Variants in PLEKHG4B observed in about 807,000 individuals in gnomAD.
PLEKHG4B encodes the protein pleckstrin homology and RhoGEF domain containing G4B, also known as pleckstrin homology domain-containing family G member 4B.
PLEKHG4B carries 111 observed loss-of-function variants against 121.3 expected under a neutral mutation model. The ratio of observed to expected loss-of-function variants is 0.92; its 90% confidence interval spans 0.78 to 1.07. The LOEUF is 1.07. PLEKHG4B is among the 50% of genes least tolerant of loss of function. The pLI is 0.00. For synonymous variants in PLEKHG4B, 738 were observed against 725.0 expected (o/e 1.02, Z -0.29); for missense variants, 1,831 against 1,757.8 (o/e 1.04, Z -0.74).
rs1490449483 is a variant in PLEKHG4B at position 144,819 on chromosome 5, C to G, written c.1812-8C>G. The stretch of plus-strand genomic sequence containing the variant: ...AGTGGTTAAGATGGGCTGTCTTTCC[C>G]TCCCCAGGAAAGAGGTCCGGGACCT... On this transcript the variant is annotated splice_polypyrimidine_tract_variant and splice_region_variant and intron_variant, in intron 5 of 19. Transcript: ENST00000637938. 2 of 1,609,428 alleles carry G rather than the reference C, an allele frequency of 1.2e-6. No individual in the cohort carries two copies. Among genetic ancestry groups the G allele is most frequent in the Admixed American group, 3.3e-5 (2 of 59,936 alleles).
Position 172,954 on chromosome 5 carries a change from G to T in PLEKHG4B, c.4108G>T (p.Gly1370Trp), listed in dbSNP as rs780136138. Reference protein sequence around the residue: ...RCRDEFIVCCGRKKYLRHVFL... With the variant: ...RCRDEFIVCCWRKKYLRHVFL... Reference sequence around the variant, plus strand: ...CCGGGATGAGTTTATCGTTTGCTGCGGGAGGAAGAAGTATCTGAGGCATGT... The same window carrying T: ...CCGGGATGAGTTTATCGTTTGCTGCTGGAGGAAGAAGTATCTGAGGCATGT... The change falls in exon 17 of 20, where the codon GGG becomes TGG. Residue 1370 changes from glycine (G) to tryptophan (W), a missense_variant. Coordinates refer to ENST00000637938, the MANE Select transcript of PLEKHG4B (RefSeq NM_052909.5). 4 of 1,614,166 alleles carry T rather than the reference G, an allele frequency of 2.5e-6. No individual in the cohort carries two copies. Among genetic ancestry groups the T allele is most frequent in the Non-Finnish European group, 3.4e-6 (4 of 1,180,036 alleles).
At chr5:169,190 T>C in intron 13 of PLEKHG4B, 150 bp from the exon 14 acceptor site, 1 of 1,095,600 alleles carries the variant, frequency 9.1e-7, no homozygotes. Flanking sequence ...TTTTTTATCG[T>C]GCATCCCACA....
intron 2 of PLEKHG4B, among the ~76,000 whole-genome samples, chr5:120,225 C>T (rs1305454588): frequency 6.6e-6 from 1 of 152,164 alleles, no homozygotes; most frequent in Non-Finnish European, 1.5e-5. Flanking sequence ...TGCACTTGGC[C>T]TGGGCAACAC....
At position 167,463 on chromosome 5, in the gene PLEKHG4B, C is replaced by T. The variant is rs571670166; in HGVS notation, c.3477-1877C>T. On this transcript the variant is annotated intron_variant, in intron 13 of 19. Coordinates refer to ENST00000637938, the MANE Select transcript of PLEKHG4B (RefSeq NM_052909.5). ...GGTAGAAAAAAAATCTGCCAACTCCCATTGGTATCATCAGGATCGAGTTAT... is the reference window on the plus strand; with the variant it reads ...GGTAGAAAAAAAATCTGCCAACTCCTATTGGTATCATCAGGATCGAGTTAT... Among the ~76,000 whole-genome samples, 3 of 147,736 alleles carry T rather than the reference C, an allele frequency of 2.0e-5. No homozygotes were observed. In the East Asian group the frequency reaches 5.8e-4, roughly 28 times the overall value.
chr5:143,804 T>G (rs912502582), intron 5 of PLEKHG4B, among the ~76,000 whole-genome samples: 7 of 152,260 alleles, frequency 4.6e-5, no homozygotes, highest in Admixed American at 6.5e-5. Flanking sequence ...GTGCAGCTTC[T>G]GCCGGCTTTG....
Position 139,117 on chromosome 5 carries a change from A to C in PLEKHG4B, c.244-366A>C, listed in dbSNP as rs1735069612. Among the ~76,000 whole-genome samples the C allele has an allele frequency of 6.6e-6, 1 of 152,106 alleles. No homozygotes were observed. The highest frequency in any genetic ancestry group is 1.5e-5 in the Non-Finnish European group (1 of 68,002). On this transcript the variant is annotated intron_variant, in intron 2 of 19. Transcript: ENST00000637938. The surrounding 1 kb of genome is among the most constrained non-coding windows in gnomAD (Gnocchi z 5.0). The stretch of plus-strand genomic sequence containing the variant: ...CCAGGGCTGGCAGGGGCAAGTGTGG[A>C]CGCCCGGCCCCTTGCCCAGGCTGGG...
At chr5:130,615 C>T (rs1208157717) in intron 2 of PLEKHG4B, among the ~76,000 whole-genome samples, 2 of 152,172 alleles carry the variant, frequency 1.3e-5, no homozygotes, top group African/African-American at 4.8e-5. Flanking sequence ...CATTATAAAG[C>T]GGGACTCTGC....
At chr5:171,176 G>C (rs113495231) in intron 15 of PLEKHG4B, 38 bp from the exon 16 acceptor site, 11 of 1,606,078 alleles carry the variant, frequency 6.8e-6, no homozygotes, top group Non-Finnish European at 8.5e-6. Context: ...CCGGCCCTCA[G>C]CCAGGCCGGA....
Position 182,436 on chromosome 5 carries a change from C to G in PLEKHG4B, c.*113C>G. 9.5e-7 allele frequency: 1 copy of G among 1,051,910 alleles called. No homozygotes were observed. The highest frequency in any genetic ancestry group is 1.4e-6 in the Non-Finnish European group (1 of 735,282). The allele number at this position is 1,051,910 out of a possible 1,614,324, so 65.2% of individuals were successfully genotyped here. A position where few individuals can be genotyped will look rare whatever the true frequency, so the allele number is the denominator to read the frequency against. Reference sequence around the variant, plus strand: ...TGCCCATCGCGTGGCTGGAACGATCCAGAGGGAATAGCACAGCAGGTGTCC... The same window carrying G: ...TGCCCATCGCGTGGCTGGAACGATCGAGAGGGAATAGCACAGCAGGTGTCC... On this transcript the variant is annotated 3_prime_UTR_variant, in exon 20 of 20. Transcript: ENST00000637938.
At chr5:173,613 C>T (rs1029315192) in intron 17 of PLEKHG4B, among the ~76,000 whole-genome samples, 13 of 149,142 alleles carry the variant, frequency 8.7e-5, no homozygotes, top group Non-Finnish European at 1.8e-4. Flanking sequence ...CAGCCTCACA[C>T]ACCCATGAGC....
chr5:174,980 C>T (rs954857022), intron 18 of PLEKHG4B, among the ~76,000 whole-genome samples: 3 of 152,136 alleles, frequency 2.0e-5, no homozygotes, highest in Non-Finnish European at 2.9e-5. Context: ...GAGGCCCACC[C>T]GGTCTGGGGC....
intron 2 of PLEKHG4B, among the ~76,000 whole-genome samples, chr5:130,458 T>G (rs1392251357): frequency 6.6e-6 from 1 of 152,186 alleles, no homozygotes; most frequent in Non-Finnish European, 1.5e-5. Flanking sequence ...CGCCCCCCCA[T>G]GCCCTGGGAG....
chr5:169,966 C>T (rs1044735925), intron 14 of PLEKHG4B, among the ~76,000 whole-genome samples: 5 of 152,150 alleles, frequency 3.3e-5, no homozygotes, highest in South Asian at 2.1e-4. Flanking sequence ...CCTCTTCACA[C>T]GCCCCCTGCC....
intron 13 of PLEKHG4B, 146 bp downstream of exon 13, chr5:163,694 AAC>A (rs1260456982): frequency 9.4e-6 from 7 of 747,812 alleles, no homozygotes; most frequent in Admixed American, 3.1e-5. Flanking sequence ...TCTAAGAAGA[AAC>A]ACAATTTTAA....
intron 2 of PLEKHG4B, among the ~76,000 whole-genome samples, chr5:127,342 TA>T: frequency 7.3e-6 from 1 of 136,630 alleles, no homozygotes; most frequent in African/African-American, 2.6e-5. Flanking sequence ...TGTTGGTTTT[TA>T]TTATTATTAT....
chr5:143,362 C>T lies in PLEKHG4B; in HGVS notation c.1688-18C>T. On this transcript the variant is annotated intron_variant, in intron 4 of 19. Transcript: ENST00000637938. Reference sequence around the variant, plus strand: ...AGGAGTGAAGCCCTTGGCAGCTGCCCTGTCTCTGTCTCCGCAGGGACCCGA... The same window carrying T: ...AGGAGTGAAGCCCTTGGCAGCTGCCTTGTCTCTGTCTCCGCAGGGACCCGA... 6.2e-7 allele frequency: 1 copy of T among 1,610,308 alleles called. No individual in the cohort carries two copies. Among genetic ancestry groups the T allele is most frequent in the Non-Finnish European group, 8.5e-7 (1 of 1,178,414 alleles).
At chr5:143,325 T>C in intron 4 of PLEKHG4B, 55 bp from the exon 5 acceptor site, 3 of 1,607,474 alleles carry the variant, frequency 1.9e-6, no homozygotes, top group Non-Finnish European at 1.7e-6. Context: ...CAGACCCAGC[T>C]CACCACCTTG....
rs1365181744 is a variant in PLEKHG4B at position 186,494 on chromosome 5, T to C, written c.*4171T>C. Reference sequence around the variant, plus strand: ...CCTCAGGGTCACTCACCCCGCCACGTGAGGCCACTTCCGCCCAGCACTGGG... The same window carrying C: ...CCTCAGGGTCACTCACCCCGCCACGCGAGGCCACTTCCGCCCAGCACTGGG... On this transcript the variant is annotated 3_prime_UTR_variant, in exon 20 of 20. Transcript: ENST00000637938. 1 of 152,288 alleles carries C rather than the reference T, an allele frequency of 6.6e-6. No individual in the cohort carries two copies. Among genetic ancestry groups the C allele is most frequent in the Non-Finnish European group, 1.5e-5 (1 of 68,100 alleles). The allele number at this position is 152,288 out of a possible 1,614,324, so 9.4% of individuals were successfully genotyped here.
At chr5:179,075 A>G (rs1236635550) in intron 18 of PLEKHG4B, among the ~76,000 whole-genome samples, 2 of 152,218 alleles carry the variant, frequency 1.3e-5, no homozygotes, top group Admixed American at 1.3e-4. Context: ...TGTGCTTCCT[A>G]TTAATATAGC....
Sources: allele counts gnomAD v4.1 joint callset (sites outside exome capture counted in the v4.1 genomes callset), GRCh38; gene constraint gnomAD v4.1.1; non-coding constraint Gnocchi (gnomAD v3.1); transcripts MANE v1.5; gene names NCBI Gene and HGNC (gene_info 2026-07-23, HGNC 2026-07-21).